LINGO2: variants seen among roughly 807,000 people sequenced by gnomAD.
LINGO2 encodes the protein leucine rich repeat and Ig domain containing 2.
Under a neutral mutation model 30.6 loss-of-function variants are expected in LINGO2, and 14 were observed. The observed-to-expected ratio is 0.46, with a 90% CI of 0.30 to 0.72. The LOEUF is 0.72. Ranked by LOEUF, LINGO2 falls within the 30% of genes least tolerant of loss-of-function variation. The probability of loss-of-function intolerance (pLI) is 0.07; values close to 1 mark genes in which losing one functional copy is unlikely to be tolerated. For missense variants in LINGO2, 729 were observed against 751.7 expected (o/e 0.97, Z 0.35); for synonymous variants, 317 against 288.5 (o/e 1.10, Z -1.00).
the LINGO2 span, among the ~76,000 whole-genome samples, chr9:29,149,282 C>T: frequency 6.6e-6 from 1 of 151,888 alleles, no homozygotes; most frequent in African/African-American, 2.4e-5. Context: ...TGAGGCCAGA[C>T]ATTCAAGACC....
chr9:28,367,981 C>T (rs557637995), intron 3 of LINGO2, among the ~76,000 whole-genome samples: 1 of 152,002 alleles, frequency 6.6e-6, no homozygotes, highest in Non-Finnish European at 1.5e-5. Context: ...CAATTTCTTT[C>T]CTTCTTTTTC....
chr9:28,300,596 CTGAG>C (rs1824104606), intron 3 of LINGO2, among the ~76,000 whole-genome samples: 1 of 152,084 alleles, frequency 6.6e-6, no homozygotes, highest in East Asian at 1.9e-4. Flanking sequence ...CCTTCCTTTC[CTGAG>C]TGTTTTATCC....
the LINGO2 span, among the ~76,000 whole-genome samples, chr9:28,789,120 C>T: frequency 0.061 from 9,323 of 152,100 alleles, 924 homozygotes; most frequent in African/African-American, 0.21. Context: ...TATATATACA[C>T]TGCTTTAAAA....
the LINGO2 span, among the ~76,000 whole-genome samples, chr9:28,880,907 C>G: frequency 1.1e-4 from 17 of 152,114 alleles, no homozygotes; most frequent in Non-Finnish European, 1.5e-4. Flanking sequence ...GCACATCCAG[C>G]CATAGTACCT....
At chr9:28,341,157 T>A in intron 3 of LINGO2, among the ~76,000 whole-genome samples, 1 of 152,086 alleles carries the variant, frequency 6.6e-6, no homozygotes, top group East Asian at 1.9e-4. Context: ...ACCAATTCAA[T>A]AGATATGCCT....
intron 4 of LINGO2, among the ~76,000 whole-genome samples, chr9:28,094,787 CT>C (rs34338802): frequency 1.3e-5 from 2 of 152,068 alleles, no homozygotes; most frequent in African/African-American, 2.4e-5. Context: ...CTGTACCATA[CT>C]TTTTTTCCCA....
chr9:29,018,091 T>A, the LINGO2 span, among the ~76,000 whole-genome samples: 160 of 23,224 alleles, frequency 6.9e-3, no homozygotes, highest in Middle Eastern at 0.025. Context: ...AATATACATT[T>A]TATATATATA....
the LINGO2 span, among the ~76,000 whole-genome samples, chr9:28,777,238 T>C: frequency 1.3e-5 from 2 of 152,198 alleles, no homozygotes; most frequent in African/African-American, 4.8e-5. Context: ...ATACACTCAG[T>C]AAATATTTGA....
chr9:27,943,244 A>G (rs531162167), downstream of LINGO2: 1 of 152,324 alleles, frequency 6.6e-6, no homozygotes, highest in Admixed American at 6.5e-5. Context: ...TCCTTTTAGA[A>G]CAGGCATAAA....
At chr9:28,142,554 A>T (rs893055993) in intron 4 of LINGO2, among the ~76,000 whole-genome samples, 2 of 152,208 alleles carry the variant, frequency 1.3e-5, no homozygotes, top group African/African-American at 4.8e-5. Flanking sequence ...CAAAGAAATT[A>T]ATTACCTCAT....
chr9:28,836,445 G>T, the LINGO2 span, among the ~76,000 whole-genome samples: 1 of 152,008 alleles, frequency 6.6e-6, no homozygotes, highest in African/African-American at 2.4e-5. Flanking sequence ...CTCCCAAGTA[G>T]CTAGGATTAC....
the LINGO2 span, among the ~76,000 whole-genome samples, chr9:28,704,396 AT>A: frequency 0.28 from 41,176 of 147,572 alleles, 6,111 homozygotes; most frequent in African/African-American, 0.39. Context: ...TTTTTATTGG[AT>A]TTTTTTTTTC....
intron 4 of LINGO2, among the ~76,000 whole-genome samples, chr9:28,222,473 A>G (rs1200875534): frequency 2.0e-5 from 3 of 152,118 alleles, no homozygotes; most frequent in African/African-American, 7.2e-5. Context: ...TTTTATAATC[A>G]GAGGTTCCCA....
chr9:28,720,363 G>T, the LINGO2 span, among the ~76,000 whole-genome samples: 1 of 151,962 alleles, frequency 6.6e-6, no homozygotes, highest in African/African-American at 2.4e-5. Context: ...TCCTTTCAAG[G>T]TTCATGCCAA....
At chr9:29,108,070 AAT>A in the LINGO2 span, among the ~76,000 whole-genome samples, 1 of 152,130 alleles carries the variant, frequency 6.6e-6, no homozygotes, top group Non-Finnish European at 1.5e-5. Context: ...TGCAAAACTA[AAT>A]ATGTTTGTCA....
chr9:28,158,861 G>A (rs536408390), intron 4 of LINGO2, among the ~76,000 whole-genome samples: 16 of 152,300 alleles, frequency 1.1e-4, no homozygotes, highest in South Asian at 2.1e-4. Flanking sequence ...GGAGGAATTC[G>A]TTAGCTCAAA....
chr9:28,847,414 A>C, the LINGO2 span, among the ~76,000 whole-genome samples: 9 of 147,254 alleles, frequency 6.1e-5, 1 homozygote, highest in African/African-American at 2.3e-4. Flanking sequence ...CACAGGGTTT[A>C]ATTTATGGCA....
chr9:28,054,064 C>CAAAAAAAAAAAAAAAAAA lies in LINGO2; in HGVS notation c.-86-41660_-86-41659insTTTTTTTTTTTTTTTTTT, dbSNP rs11461978. ...CGTGGGTTGCAGCCCAGCTAGCAGA[C>CAAAAAAAAAAAAAAAAAA]AAAAAAAAAGAGAAAGTGGGATTCT... is the stretch of plus-strand genomic sequence containing the variant. On this transcript the variant is annotated intron_variant, in intron 4 of 5. Coordinates refer to ENST00000379992, the Ensembl canonical transcript of LINGO2. Among the ~76,000 whole-genome samples the CAAAAAAAAAAAAAAAAAA allele has an allele frequency of 2.1e-3, 309 of 148,992 alleles. 4 individuals are homozygous for CAAAAAAAAAAAAAAAAAA. The highest frequency in any genetic ancestry group is 7.3e-3 in the African/African-American group (294 of 40,516).
chr9:28,720,930 T>C, the LINGO2 span, among the ~76,000 whole-genome samples: 1 of 152,024 alleles, frequency 6.6e-6, no homozygotes, highest in Non-Finnish European at 1.5e-5. Context: ...CACTGGAGTG[T>C]TGTCTCTCAG....
Sources: gnomAD v4.1 joint callset for allele counts (sites outside exome capture counted in the v4.1 genomes callset) on GRCh38, gnomAD v4.1.1 for gene constraint, MANE v1.5 for transcripts, NCBI Gene and HGNC (gene_info 2026-07-23, HGNC 2026-07-21) for gene names.